The following ANO4 variants were observed in gnomAD, a reference collection of about 807,000 sequenced individuals.
ANO4 encodes anoctamin-4.
A neutral mutation model predicts 141.9 loss-of-function variants in ANO4; 69 were observed. The ratio of observed to expected loss-of-function variants is 0.49; its 90% CI spans 0.40 to 0.59. ANO4 has a LOEUF of 0.59. Among genes scored for constraint, ANO4 ranks in the 20% least tolerant of loss-of-function variants. ANO4 has a pLI of 0.00. For synonymous variants in ANO4, 350 were observed against 394.3 expected (o/e 0.89, Z 1.33); for missense variants, 894 against 1,162.2 (o/e 0.77, Z 3.36).
At chr12:100,974,749 C>A (rs2044087653) in intron 6 of ANO4, 96 bp from the exon 7 acceptor site, 5 of 1,318,342 alleles carry the variant, frequency 3.8e-6, no homozygotes, top group Admixed American at 1.7e-5. Flanking sequence ...CTCTTACAGG[C>A]TTCTATCTTC....
At chr12:100,870,366 A>G (rs11110568) in intron 1 of ANO4, among the ~76,000 whole-genome samples, 7,227 of 152,290 alleles carry the variant, frequency 0.047, 230 homozygotes, top group Middle Eastern at 0.095. Context: ...TATCCTTATC[A>G]TATTCTACAG....
At chr12:100,782,086 T>G (rs2033727716) in intron 3 of ANO4, among the ~76,000 whole-genome samples, 1 of 152,214 alleles carries the variant, frequency 6.6e-6, no homozygotes, top group Admixed American at 6.5e-5. Flanking sequence ...CTCTCCTTTC[T>G]CAAAAGCTGG....
At position 101,039,938 on chromosome 12, in the gene ANO4, TG is replaced by T; in HGVS notation, c.898-15del. The T allele has an allele frequency of 6.2e-7, 1 of 1,606,262 alleles. No individual in the cohort carries two copies. Among genetic ancestry groups the T allele is most frequent in the Non-Finnish European group, 8.5e-7 (1 of 1,175,176 alleles). Reference sequence around the variant, plus strand: ...TTTGTGAGTACTACCTCACTGGCAGTGGTGTTTTTATCCCAGGGAAGTTATA... The same window carrying T: ...TTTGTGAGTACTACCTCACTGGCAGTGTGTTTTTATCCCAGGGAAGTTATA... On this transcript the variant is annotated splice_polypyrimidine_tract_variant and intron_variant, in intron 10 of 27. Transcript: ENST00000392977.
At chr12:100,788,891 G>C (rs963946267) in intron 3 of ANO4, among the ~76,000 whole-genome samples, 19 of 152,062 alleles carry the variant, frequency 1.2e-4, no homozygotes, top group African/African-American at 4.6e-4. Flanking sequence ...TAACGAGCTG[G>C]AAAATGATTG....
intron 3 of ANO4, among the ~76,000 whole-genome samples, chr12:100,789,398 C>G (rs924884687): frequency 6.6e-6 from 1 of 152,128 alleles, no homozygotes; most frequent in Non-Finnish European, 1.5e-5. Flanking sequence ...CATGGAATAC[C>G]TATCTTAACA....
chr12:100,805,349 G>A (rs1361445767), intron 1 of ANO4, among the ~76,000 whole-genome samples: 1 of 152,180 alleles, frequency 6.6e-6, no homozygotes, highest in Non-Finnish European at 1.5e-5. Context: ...TTTGGTTACT[G>A]TAGCCTTGTA....
At chr12:101,080,865 G>GAGAT (rs1555296492) in intron 15 of ANO4, among the ~76,000 whole-genome samples, 1 of 109,374 alleles carries the variant, frequency 9.1e-6, no homozygotes, top group Non-Finnish European at 1.8e-5. Flanking sequence ...CTAGGTTCTA[G>GAGAT]ATATATATAT....
At chr12:100,901,933 T>C in intron 2 of ANO4, 93 bp downstream of exon 2, 1 of 1,244,844 alleles carries the variant, frequency 8.0e-7, no homozygotes, top group South Asian at 1.5e-5. Flanking sequence ...TGCCATACTT[T>C]CAGCTAAGCT....
At chr12:100,868,909 T>A (rs1412447037) in intron 1 of ANO4, among the ~76,000 whole-genome samples, 1 of 152,226 alleles carries the variant, frequency 6.6e-6, no homozygotes, top group Non-Finnish European at 1.5e-5. Context: ...ATTTAAAAAT[T>A]GTAAAAACCA....
chr12:100,918,064 C>T (rs534258273), intron 2 of ANO4, among the ~76,000 whole-genome samples: 7 of 152,290 alleles, frequency 4.6e-5, no homozygotes, highest in South Asian at 2.1e-4. Flanking sequence ...CAATGGCTCA[C>T]GCCTATAATC....
chr12:100,874,638 A>G (rs550740278), intron 1 of ANO4, among the ~76,000 whole-genome samples: 3 of 150,748 alleles, frequency 2.0e-5, no homozygotes, highest in Non-Finnish European at 3.0e-5. Flanking sequence ...TCCTGCCTCA[A>G]CCTCCCAAGT....
chr12:100,930,705 AG>A (rs1415406302), intron 3 of ANO4, among the ~76,000 whole-genome samples: 2 of 152,174 alleles, frequency 1.3e-5, no homozygotes, highest in African/African-American at 4.8e-5. Context: ...CTAGAACCGC[AG>A]GTTCTTTAGG....
At chr12:100,944,711 C>T (rs762168674) in intron 5 of ANO4, among the ~76,000 whole-genome samples, 1 of 152,140 alleles carries the variant, frequency 6.6e-6, no homozygotes, top group Non-Finnish European at 1.5e-5. Flanking sequence ...TTTGCATCTT[C>T]GTGGACTCAG....
chr12:100,784,740 T>C (rs2033812171), intron 3 of ANO4, among the ~76,000 whole-genome samples: 1 of 152,224 alleles, frequency 6.6e-6, no homozygotes, highest in Admixed American at 6.5e-5. Context: ...CACGATATGT[T>C]CCCAGTGTTC....
At chr12:100,981,539 G>T (rs554021846) in intron 7 of ANO4, among the ~76,000 whole-genome samples, 2 of 152,198 alleles carry the variant, frequency 1.3e-5, no homozygotes, top group African/African-American at 2.4e-5. Context: ...CTCATCTGTA[G>T]GTTCCCTCTA....
chr12:101,053,582 C>G (rs1486789631), intron 14 of ANO4, among the ~76,000 whole-genome samples: 1 of 152,120 alleles, frequency 6.6e-6, no homozygotes, highest in Non-Finnish European at 1.5e-5. Flanking sequence ...ATGCATCACT[C>G]CTATCTCTGC....
chr12:100,949,464 G>A (rs1743486197), intron 5 of ANO4, among the ~76,000 whole-genome samples: 1 of 152,180 alleles, frequency 6.6e-6, no homozygotes, highest in African/African-American at 2.4e-5. Context: ...TTTTAATTAA[G>A]TGAGATCATT....
chr12:100,886,883 A>G (rs1448757474), intron 1 of ANO4, among the ~76,000 whole-genome samples: 1 of 152,168 alleles, frequency 6.6e-6, no homozygotes, highest in Non-Finnish European at 1.5e-5. Context: ...TGCATCTTTG[A>G]CATCTCCTTC....
chr12:100,937,474 A>G (rs751663130), intron 3 of ANO4, among the ~76,000 whole-genome samples: 11 of 152,170 alleles, frequency 7.2e-5, no homozygotes, highest in Non-Finnish European at 1.6e-4. Flanking sequence ...CACTGGACAT[A>G]TTAGTCTTCC....
Sources: allele counts gnomAD v4.1 joint callset (sites outside exome capture counted in the v4.1 genomes callset), GRCh38; gene constraint gnomAD v4.1.1; transcripts MANE v1.5; gene names NCBI Gene and HGNC (gene_info 2026-07-23, HGNC 2026-07-21).